The following SLC30A8 variants were observed in gnomAD, a reference collection of about 807,000 sequenced individuals.
SLC30A8 encodes solute carrier family 30 member 8.
SLC30A8 carries 27 observed loss-of-function variants against 36.9 expected under a neutral mutation model. That is an observed-to-expected ratio of 0.73 (90% CI 0.54 to 1.01). The LOEUF is 1.01. Ranked by LOEUF, SLC30A8 falls within the 50% of genes least tolerant of loss-of-function variation. The probability of loss-of-function intolerance (pLI) is 0.00; values close to 1 mark genes in which losing one functional copy is unlikely to be tolerated. For synonymous variants in SLC30A8, 164 were observed against 172.4 expected, an observed-to-expected ratio of 0.95 and a Z score of 0.38; for missense variants, 439 against 452.0, an observed-to-expected ratio of 0.97 and a Z score of 0.26.
At chr8:117,107,751 C>T (rs1820054013) in intron 2 of SLC30A8, among the ~76,000 whole-genome samples, 2 of 152,070 alleles carry the variant, frequency 1.3e-5, no homozygotes, top group African/African-American at 4.8e-5. Context: ...CAGGTAAAAA[C>T]CAGTAATAAC....
At chr8:117,168,600 C>T (rs184337269) in intron 6 of SLC30A8, among the ~76,000 whole-genome samples, 71 of 152,128 alleles carry the variant, frequency 4.7e-4, no homozygotes, top group African/African-American at 1.4e-3. Context: ...TAAAATAAGT[C>T]ATGGTGGACC....
intron 2 of SLC30A8, among the ~76,000 whole-genome samples, chr8:117,059,247 G>T (rs536847877): frequency 4.1e-4 from 62 of 152,274 alleles, no homozygotes; most frequent in African/African-American, 1.4e-3. Context: ...AGGGAAAGTT[G>T]TTTCTTTCTC....
Position 116,978,575 on chromosome 8 carries a change from TC to T in SLC30A8, c.-266+27459del, listed in dbSNP as rs555215875. ...TGGTGATTATTGCTTGCTCTTTTTT[TC>T]CCTTTGTCTCTTTTCTCTCTTATTA... On this transcript the variant is annotated intron_variant, in intron 1 of 10. Transcript: ENST00000427715. Among the ~76,000 whole-genome samples the T allele has an allele frequency of 1.9e-3, 297 of 152,350 alleles. 4 individuals carry two copies. The highest frequency in any genetic ancestry group is 6.7e-3 in the African/African-American group (277 of 41,580).
At chr8:117,023,541 A>C (rs1039354246) in intron 1 of SLC30A8, among the ~76,000 whole-genome samples, 3 of 152,168 alleles carry the variant, frequency 2.0e-5, no homozygotes, top group African/African-American at 4.8e-5. Flanking sequence ...CTATGCAGCC[A>C]TGAAAAATGA....
At chr8:117,110,662 C>T (rs1193368902) in intron 2 of SLC30A8, among the ~76,000 whole-genome samples, 3 of 152,148 alleles carry the variant, frequency 2.0e-5, no homozygotes, top group African/African-American at 2.4e-5. Flanking sequence ...GAGAAGGGTC[C>T]GTCCTCTGCA....
At chr8:116,983,116 A>T (rs946361742) in intron 1 of SLC30A8, among the ~76,000 whole-genome samples, 4 of 152,200 alleles carry the variant, frequency 2.6e-5, no homozygotes, top group African/African-American at 9.6e-5. Context: ...TTGGTAAGTT[A>T]GTGTTTATAA....
chr8:117,044,849 C>T (rs994471045), intron 2 of SLC30A8, among the ~76,000 whole-genome samples: 2 of 152,204 alleles, frequency 1.3e-5, no homozygotes, highest in African/African-American at 2.4e-5. Flanking sequence ...TGCAGGACCG[C>T]GGAGCCCTGG....
intron 1 of SLC30A8, among the ~76,000 whole-genome samples, chr8:116,972,120 T>C (rs1352911592): frequency 2.6e-5 from 4 of 152,244 alleles, no homozygotes; most frequent in African/African-American, 9.6e-5. Flanking sequence ...AATACCTTTG[T>C]TCAAAAATTT....
At chr8:116,971,535 C>T (rs1044169611) in intron 1 of SLC30A8, among the ~76,000 whole-genome samples, 2 of 152,114 alleles carry the variant, frequency 1.3e-5, no homozygotes, top group Non-Finnish European at 2.9e-5. Flanking sequence ...ACTTTGTTTC[C>T]TATCTTTGAG....
upstream of SLC30A8, chr8:116,950,309 C>T (rs943791185): frequency 6.3e-6 from 1 of 158,340 alleles, no homozygotes; most frequent in African/African-American, 2.4e-5. Flanking sequence ...AATAGGAGAT[C>T]AGTTAATGCA....
intron 2 of SLC30A8, among the ~76,000 whole-genome samples, chr8:117,080,434 G>A (rs755783875): frequency 2.0e-5 from 3 of 152,050 alleles, no homozygotes; most frequent in Non-Finnish European, 4.4e-5. Context: ...TTTGAGGAAC[G>A]ATTGACTCTC....
chr8:116,970,906 C>G (rs1818026642), intron 1 of SLC30A8, among the ~76,000 whole-genome samples: 1 of 152,070 alleles, frequency 6.6e-6, no homozygotes, highest in African/African-American at 2.4e-5. Flanking sequence ...ACCAGCCTGG[C>G]CAACATGGCG....
chr8:117,019,322 G>A (rs1254741910), intron 1 of SLC30A8, among the ~76,000 whole-genome samples: 1 of 152,216 alleles, frequency 6.6e-6, no homozygotes, highest in Non-Finnish European at 1.5e-5. Flanking sequence ...TAGAGCAACA[G>A]ATGTTTACTC....
intron 2 of SLC30A8, 27 bp from the exon 3 acceptor site, chr8:117,152,917 C>A: frequency 1.3e-6 from 2 of 1,513,196 alleles, no homozygotes; most frequent in Non-Finnish European, 8.9e-7. Context: ...GGGACCTTAA[C>A]ACAGTGTACT....
At chr8:117,054,184 G>A (rs954351762) in intron 2 of SLC30A8, among the ~76,000 whole-genome samples, 1 of 149,520 alleles carries the variant, frequency 6.7e-6, no homozygotes, top group South Asian at 2.1e-4. Flanking sequence ...CTGCAGCCTG[G>A]ATCTCCTGGA....
chr8:117,075,974 C>T (rs1818475584), intron 2 of SLC30A8, among the ~76,000 whole-genome samples: 1 of 152,122 alleles, frequency 6.6e-6, no homozygotes, highest in South Asian at 2.1e-4. Flanking sequence ...GTACCTTTAC[C>T]TAGAATTTCC....
At chr8:116,991,044 T>C (rs925463361) in intron 1 of SLC30A8, among the ~76,000 whole-genome samples, 4 of 152,134 alleles carry the variant, frequency 2.6e-5, no homozygotes, top group African/African-American at 9.7e-5. Context: ...GAGGGTCTTG[T>C]GGGATGAGTC....
rs1480327078 is a variant in SLC30A8 at position 117,171,017 on chromosome 8, C to CTCT, written c.830-14_830-12dup. 6.4e-7 allele frequency: 1 copy of CTCT among 1,570,058 alleles called. No individual in the cohort carries two copies. Among genetic ancestry groups the CTCT allele is most frequent in the Admixed American group, 1.9e-5 (1 of 53,582 alleles). On this transcript the variant is annotated splice_polypyrimidine_tract_variant and intron_variant, in intron 6 of 7. Transcript: ENST00000456015. ...CTAGTTGAATAACTACAGCCTCCAT[C>CTCT]TCTTCCCTTTTGTCAGGTGTGCCAA...
intron 1 of SLC30A8, among the ~76,000 whole-genome samples, chr8:117,136,859 T>C (rs1190726524): frequency 6.6e-6 from 1 of 151,984 alleles, no homozygotes; most frequent in Non-Finnish European, 1.5e-5. Context: ...CATAAATAGG[T>C]ATGGTTTTCA....
Sources: allele counts gnomAD v4.1 joint callset (sites outside exome capture counted in the v4.1 genomes callset), GRCh38; gene constraint gnomAD v4.1.1; transcripts MANE v1.5; gene names NCBI Gene and HGNC (gene_info 2026-07-23, HGNC 2026-07-21).